The following CSMD1 variants were observed in gnomAD, a reference collection of about 807,000 sequenced individuals.
The protein encoded by CSMD1 is CUB and sushi domain-containing protein 1.
A neutral mutation model predicts 417.5 loss-of-function variants in CSMD1; 213 were observed. The ratio of observed to expected loss-of-function variants is 0.51; its 90% CI spans 0.46 to 0.57. The LOEUF (loss-of-function observed/expected upper bound fraction) is 0.57. Ranked by LOEUF, CSMD1 falls within the 20% of genes least tolerant of loss-of-function variation. CSMD1 has a pLI of 0.00. For missense variants in CSMD1, 6,923 were observed against 4,529.7 expected, an observed-to-expected ratio of 1.53 and a Z score of -15.17; for synonymous variants, 2,862 against 1,736.8, an observed-to-expected ratio of 1.65 and a Z score of -16.11.
intron 1 of CSMD1, among the ~76,000 whole-genome samples, chr8:4,978,615 G>A (rs550442167): frequency 6.6e-6 from 1 of 152,234 alleles, no homozygotes; most frequent in African/African-American, 2.4e-5. Flanking sequence ...GTAGCCTCTG[G>A]TGCTTTTTTG....
At chr8:4,562,680 A>G (rs1030165270) in intron 2 of CSMD1, among the ~76,000 whole-genome samples, 1 of 152,184 alleles carries the variant, frequency 6.6e-6, no homozygotes, top group Non-Finnish European at 1.5e-5. Flanking sequence ...AAGTCACGCC[A>G]CTGGTGTTCA....
chr8:4,595,488 C>T (rs1392845562), intron 2 of CSMD1, among the ~76,000 whole-genome samples: 1 of 151,928 alleles, frequency 6.6e-6, no homozygotes, highest in East Asian at 1.9e-4. Flanking sequence ...TTGGAGTCCT[C>T]TCAAATGGTG....
intron 2 of CSMD1, among the ~76,000 whole-genome samples, chr8:4,481,604 A>G (rs188677680): frequency 6.6e-6 from 1 of 152,286 alleles, no homozygotes; most frequent in East Asian, 1.9e-4. Context: ...TCTAATCCTT[A>G]TAAAATAAAC....
chr8:4,208,042 A>G (rs1031788286), intron 3 of CSMD1, among the ~76,000 whole-genome samples: 2 of 152,184 alleles, frequency 1.3e-5, no homozygotes, highest in Admixed American at 6.5e-5. Context: ...ATGTAAATAT[A>G]TGAGGGTAAT....
intron 2 of CSMD1, among the ~76,000 whole-genome samples, chr8:4,497,039 T>A (rs973374486): frequency 1.6e-4 from 25 of 152,200 alleles, no homozygotes; most frequent in Non-Finnish European, 5.9e-5. Flanking sequence ...ACCCATTTCC[T>A]CTCTGTCTCT....
rs948121681 is a variant in CSMD1 at position 3,519,990 on chromosome 8, G to A, written c.1345-26264C>T. Among the ~76,000 whole-genome samples the A allele has an allele frequency of 6.8e-5, 10 of 147,718 alleles. No individual in the cohort carries two copies. In the Middle Eastern group the frequency reaches 0.011, roughly 156 times the overall value. ...ACTTTTTTAAAACTTCTTTATCTGT[G>A]TGCATATATATGTGTGTGTGTGTAT... On this transcript the variant is annotated intron_variant, in intron 10 of 69. Transcript: ENST00000635120.
chr8:3,184,859 G>C (rs975398995), intron 36 of CSMD1, among the ~76,000 whole-genome samples: 1 of 152,136 alleles, frequency 6.6e-6, no homozygotes, highest in Non-Finnish European at 1.5e-5. Flanking sequence ...AATTTTAGCA[G>C]TTTCATGTTT....
chr8:4,775,338 A>G lies in CSMD1; in HGVS notation c.86-137780T>C, dbSNP rs188947109. On this transcript the variant is annotated intron_variant, in intron 1 of 69. Coordinates refer to ENST00000635120, the MANE Select transcript of CSMD1 (RefSeq NM_033225.6). ...GTGATATGTAGCAGTGAATAGATGGAAGGAACACTACGAATTTTTATAGAA... is the reference window on the plus strand; with the variant it reads ...GTGATATGTAGCAGTGAATAGATGGGAGGAACACTACGAATTTTTATAGAA... Among the ~76,000 whole-genome samples the G allele has an allele frequency of 4.3e-3, 649 of 152,278 alleles. 3 individuals are homozygous for G. Among genetic ancestry groups the G allele is most frequent in the Non-Finnish European group, 6.6e-3 (447 of 68,008 alleles).
At chr8:4,169,500 C>G (rs1797644589) in intron 3 of CSMD1, among the ~76,000 whole-genome samples, 1 of 152,164 alleles carries the variant, frequency 6.6e-6, no homozygotes, top group Non-Finnish European at 1.5e-5. Flanking sequence ...CTACTGCGGC[C>G]TTGTCTCCAT....
rs1223377681 is a variant in CSMD1, at chr8:4,271,602, C to T, written c.415+148351G>A. 2.6e-5 allele frequency among the ~76,000 whole-genome samples: 4 copies of T among 151,454 alleles called. No individual in the cohort carries two copies. The East Asian group carries it at 5.8e-4, about 22-fold the overall frequency. On this transcript the variant is annotated intron_variant, in intron 3 of 69. Coordinates refer to ENST00000635120, the MANE Select transcript of CSMD1 (RefSeq NM_033225.6). ...AAAAGGCAAAGAAAATCTCAGGTGCCTGAGAATTAGCTCTTTTGCAGCAGC... is the reference window on the plus strand; with the variant it reads ...AAAAGGCAAAGAAAATCTCAGGTGCTTGAGAATTAGCTCTTTTGCAGCAGC...
intron 26 of CSMD1, among the ~76,000 whole-genome samples, chr8:3,241,485 C>A (rs908450308): frequency 1.3e-5 from 2 of 152,148 alleles, no homozygotes; most frequent in Non-Finnish European, 2.9e-5. Context: ...AGTCTTCAGC[C>A]ACTAAGCCGA....
rs546809377 is a variant in CSMD1 at position 3,545,197 on chromosome 8, G to C, written c.1344+29748C>G. Among the ~76,000 whole-genome samples the C allele has an allele frequency of 2.0e-5, 3 of 152,266 alleles. No homozygotes were observed. The South Asian group carries it at 6.2e-4, about 32-fold the overall frequency. ...TACACTTAGCAAAGAGCAGGAGGTA[G>C]AATATTGTTTCCATGTGTCTGTCTA... On this transcript the variant is annotated intron_variant, in intron 10 of 69. Transcript: ENST00000635120.
chr8:4,766,789 G>C (rs752593089), intron 1 of CSMD1, among the ~76,000 whole-genome samples: 1 of 152,090 alleles, frequency 6.6e-6, no homozygotes, highest in Non-Finnish European at 1.5e-5. Flanking sequence ...ATGAGAGTTG[G>C]ATTCTACATA....
chr8:4,378,052 C>G (rs746660984), intron 3 of CSMD1, among the ~76,000 whole-genome samples: 2 of 152,060 alleles, frequency 1.3e-5, no homozygotes, highest in African/African-American at 4.8e-5. Flanking sequence ...AGTGTAACAC[C>G]CACTACTCAT....
chr8:4,805,060 T>A (rs1268958570), intron 1 of CSMD1, among the ~76,000 whole-genome samples: 1 of 152,168 alleles, frequency 6.6e-6, no homozygotes, highest in Non-Finnish European at 1.5e-5. Context: ...GCAGCTCCAA[T>A]TTGGAGTTTC....
intron 1 of CSMD1, among the ~76,000 whole-genome samples, chr8:4,832,503 G>T (rs150507638): frequency 2.6e-5 from 4 of 152,150 alleles, no homozygotes; most frequent in Non-Finnish European, 5.9e-5. Flanking sequence ...ACTTCTCTAG[G>T]CAGAAGGAAC....
chr8:3,714,793 C>G (rs951049743), intron 6 of CSMD1, among the ~76,000 whole-genome samples: 1 of 151,898 alleles, frequency 6.6e-6, no homozygotes, highest in African/African-American at 2.4e-5. Flanking sequence ...TTATTTGGAG[C>G]ATTTTTTGTC....
intron 1 of CSMD1, among the ~76,000 whole-genome samples, chr8:4,817,451 C>T (rs953248186): frequency 5.3e-5 from 8 of 152,354 alleles, no homozygotes; most frequent in East Asian, 1.9e-4. Flanking sequence ...AGGAGCAAGA[C>T]GCACCTTCTC....
chr8:3,940,668 C>T (rs1022272038), intron 5 of CSMD1, among the ~76,000 whole-genome samples: 3 of 151,658 alleles, frequency 2.0e-5, no homozygotes, highest in African/African-American at 7.3e-5. Flanking sequence ...CTAGATGTTC[C>T]CAAATTTCTA....
Sources: gnomAD v4.1 joint callset for allele counts (sites outside exome capture counted in the v4.1 genomes callset) on GRCh38, gnomAD v4.1.1 for gene constraint, MANE v1.5 for transcripts, NCBI Gene and HGNC (gene_info 2026-07-23, HGNC 2026-07-21) for gene names.